Variants in THSD4 observed in about 807,000 individuals in gnomAD.
THSD4 encodes the protein thrombospondin type-1 domain-containing protein 4.
Under a neutral mutation model 119.0 loss-of-function variants are expected in THSD4, and 69 were observed. That is an observed-to-expected ratio of 0.58 (90% CI 0.48 to 0.71). The LOEUF is 0.71. THSD4 is among the 30% of genes least tolerant of loss of function. The probability of loss-of-function intolerance (pLI) is 0.00; values close to 1 mark genes in which losing one functional copy is unlikely to be tolerated. For synonymous variants in THSD4, 524 were observed against 540.4 expected, an observed-to-expected ratio of 0.97 and a Z score of 0.42; for missense variants, 1,393 against 1,391.1, an observed-to-expected ratio of 1.00 and a Z score of -0.02.
At chr15:71,112,209 G>A (rs747311738), upstream of THSD4, 48 of 1,613,456 alleles carry the variant, frequency 3.0e-5, no homozygotes, top group African/African-American at 5.9e-4. Flanking sequence ...TGTTCTGTGG[G>A]TGTGGCTGTA....
chr15:71,511,798 A>G (rs2048287626), intron 7 of THSD4, among the ~76,000 whole-genome samples: 1 of 152,250 alleles, frequency 6.6e-6, no homozygotes, highest in Non-Finnish European at 1.5e-5. Context: ...TGCGATTTAA[A>G]GCAAGTTATT....
chr15:71,597,940 G>T (rs2049936633), intron 7 of THSD4, among the ~76,000 whole-genome samples: 1 of 152,174 alleles, frequency 6.6e-6, no homozygotes, highest in Admixed American at 6.5e-5. Flanking sequence ...GTGAGCGCCA[G>T]ACATTTAGTG....
intron 7 of THSD4, among the ~76,000 whole-genome samples, chr15:71,610,412 C>A (rs1019296019): frequency 6.6e-6 from 1 of 152,026 alleles, no homozygotes; most frequent in African/African-American, 2.4e-5. Context: ...CAGGGAACTG[C>A]AATTCTTAGG....
chr15:71,458,478 G>A (rs574385733), intron 7 of THSD4, among the ~76,000 whole-genome samples: 1 of 152,296 alleles, frequency 6.6e-6, no homozygotes, highest in African/African-American at 2.4e-5. Flanking sequence ...TACTGCAGTA[G>A]GACTATGATA....
chr15:71,472,436 G>A (rs887108000), intron 7 of THSD4, among the ~76,000 whole-genome samples: 1 of 152,030 alleles, frequency 6.6e-6, no homozygotes, highest in Non-Finnish European at 1.5e-5. Flanking sequence ...TCTGTGAAAG[G>A]CCCATCTGAG....
intron 7 of THSD4, among the ~76,000 whole-genome samples, chr15:71,452,727 T>C (rs1237906850): frequency 1.3e-5 from 2 of 152,132 alleles, no homozygotes; most frequent in African/African-American, 4.8e-5. Flanking sequence ...GTGATTCTCA[T>C]GCCTCAGCCT....
chr15:71,180,163 A>ATG (rs1567147704), intron 3 of THSD4, among the ~76,000 whole-genome samples: 4 of 25,942 alleles, frequency 1.5e-4, no homozygotes, highest in African/African-American at 1.8e-4. Context: ...CATTAAAAAA[A>ATG]AAAAAAATAA....
At chr15:71,501,066 G>A (rs369419069) in intron 7 of THSD4, among the ~76,000 whole-genome samples, 1 of 152,128 alleles carries the variant, frequency 6.6e-6, no homozygotes, top group Non-Finnish European at 1.5e-5. Context: ...ATTGCTTTGG[G>A]TAGCATGGAT....
At chr15:71,524,769 T>G (rs1333203169) in intron 7 of THSD4, among the ~76,000 whole-genome samples, 1 of 103,564 alleles carries the variant, frequency 9.7e-6, no homozygotes, top group Non-Finnish European at 2.4e-5. Flanking sequence ...GCTAATTTTT[T>G]TTTTTTTTTT....
intron 6 of THSD4, among the ~76,000 whole-genome samples, chr15:71,314,983 C>T (rs2045165894): frequency 6.6e-6 from 1 of 152,094 alleles, no homozygotes; most frequent in African/African-American, 2.4e-5. Flanking sequence ...AAGATTCAGG[C>T]TCATAGTTAA....
At chr15:71,524,763 A>ATTTTTTTTT (rs35666244) in intron 7 of THSD4, among the ~76,000 whole-genome samples, 10 of 116,102 alleles carry the variant, frequency 8.6e-5, no homozygotes, top group East Asian at 2.5e-4. Context: ...CGCCCGGCTA[A>ATTTTTTTTT]TTTTTTTTTT....
At position 71,215,072 on chromosome 15, in the gene THSD4, A is replaced by G; in HGVS notation, c.137A>G (p.Asp46Gly). 2.3e-6 allele frequency: 3 copies of G among 1,300,392 alleles called. No homozygotes were observed. Among genetic ancestry groups the G allele is most frequent in the Non-Finnish European group, 2.9e-6 (3 of 1,022,298 alleles). 80.6% of individuals were successfully genotyped at this position (1,300,392 alleles called of 1,614,324 possible). ...ATGGCGGCGGAGGGCGCCCCCGAGGACGACGGCGGCGGCGGCGCCCCGGGA... is the reference window on the plus strand; with the variant it reads ...ATGGCGGCGGAGGGCGCCCCCGAGGGCGACGGCGGCGGCGGCGCCCCGGGA... ...QRMAAEGAPE[D>G]DGGGGAPGVW... Residue 46 changes from aspartate (D) to glycine (G), a missense_variant, in exon 4 of 18, where the codon GAC becomes GGC. By Grantham distance (94) the Asp-to-Gly change is moderately conservative (BLOSUM62 -1). Coordinates refer to ENST00000261862, the MANE Select transcript of THSD4 (RefSeq NM_024817.3).
Position 71,777,817 on chromosome 15 carries a change from A to T in THSD4, c.*443A>T, listed in dbSNP as rs1194121426. 2 of 185,812 alleles carry T rather than the reference A, an allele frequency of 1.1e-5. No individual in the cohort carries two copies. Among genetic ancestry groups the T allele is most frequent in the Non-Finnish European group, 2.3e-5 (2 of 86,688 alleles). 11.5% of individuals were successfully genotyped at this position (185,812 alleles called of 1,614,324 possible). On this transcript the variant is annotated 3_prime_UTR_variant, in exon 18 of 18. Coordinates refer to ENST00000261862, the MANE Select transcript of THSD4 (RefSeq NM_024817.3). ...GCGCCCCCAACCCAGCGCCCCACTA[A>T]GCCTTGCTGACACGCGTGCATCCCT... is the stretch of plus-strand genomic sequence containing the variant.
intron 6 of THSD4, among the ~76,000 whole-genome samples, chr15:71,308,086 C>T (rs1283731247): frequency 6.6e-6 from 1 of 152,178 alleles, no homozygotes; most frequent in Non-Finnish European, 1.5e-5. Flanking sequence ...CCAACCTCCT[C>T]TACCCTCCAG....
At chr15:71,249,522 A>G (rs2044239085) in intron 5 of THSD4, among the ~76,000 whole-genome samples, 1 of 151,856 alleles carries the variant, frequency 6.6e-6, no homozygotes, top group South Asian at 2.1e-4. Flanking sequence ...ATATATACAC[A>G]CACACATTTA....
rs994625932 is a variant in THSD4 at position 71,553,469 on chromosome 15, G to A, written c.1153-107061G>A. Among the ~76,000 whole-genome samples the A allele has an allele frequency of 2.6e-5, 4 of 151,990 alleles. No homozygotes were observed. In the East Asian group the frequency reaches 7.7e-4, roughly 29 times the overall value. ...GCCTCCTGAGTAGCTGGAATTACAG[G>A]TTTTGTGCCACCACACCCAGTTAAT... is the stretch of plus-strand genomic sequence containing the variant. On this transcript the variant is annotated intron_variant, in intron 7 of 17. Coordinates refer to ENST00000261862, the MANE Select transcript of THSD4 (RefSeq NM_024817.3).
chr15:71,563,105 AC>A (rs1380323703), intron 7 of THSD4, among the ~76,000 whole-genome samples: 3 of 152,116 alleles, frequency 2.0e-5, no homozygotes, highest in Non-Finnish European at 4.4e-5. Context: ...AGCAGCTGAG[AC>A]TGGGAAACCA....
chr15:71,288,122 A>G (rs927009898), intron 6 of THSD4, among the ~76,000 whole-genome samples: 56 of 152,198 alleles, frequency 3.7e-4, no homozygotes, highest in Non-Finnish European at 3.7e-4. Flanking sequence ...AATGAATTAT[A>G]CAGTCCCACA....
At chr15:71,567,369 C>T (rs1248115204) in intron 7 of THSD4, among the ~76,000 whole-genome samples, 1 of 152,090 alleles carries the variant, frequency 6.6e-6, no homozygotes, top group Non-Finnish European at 1.5e-5. Flanking sequence ...AGGGAAGCGG[C>T]CTGATACAGG....
Sources: allele counts gnomAD v4.1 joint callset (sites outside exome capture counted in the v4.1 genomes callset), GRCh38; gene constraint gnomAD v4.1.1; transcripts MANE v1.5; gene names NCBI Gene and HGNC (gene_info 2026-07-23, HGNC 2026-07-21).